Variants in NALCN observed in about 807,000 individuals in gnomAD.
The protein encoded by NALCN is sodium leak channel NALCN.
In NALCN, 111 loss-of-function variants were observed where a neutral mutation model predicts 225.3. The observed-to-expected ratio is 0.49, with a 90% CI of 0.42 to 0.58. The LOEUF (loss-of-function observed/expected upper bound fraction) is 0.58, where lower values mean the gene tolerates loss of function less well. Among genes scored for constraint, NALCN ranks in the 20% least tolerant of loss-of-function variants. The pLI is 0.00. For missense variants in NALCN, 1,378 were observed against 2,202.4 expected (o/e 0.63, Z 7.49); for synonymous variants, 764 against 769.0 (o/e 0.99, Z 0.11).
At chr13:101,332,891 C>T (rs2045236831) in intron 7 of NALCN, among the ~76,000 whole-genome samples, 1 of 152,310 alleles carries the variant, frequency 6.6e-6, no homozygotes, top group South Asian at 2.1e-4. Flanking sequence ...CACACTCAGA[C>T]AGGGATGCCT....
intron 14 of NALCN, among the ~76,000 whole-genome samples, chr13:101,186,540 G>T (rs1055367946): frequency 2.0e-4 from 31 of 152,156 alleles, no homozygotes; most frequent in Admixed American, 1.9e-3. Flanking sequence ...GTGAACTGGG[G>T]AAGTGACTTC....
chr13:101,203,249 CTT>C (rs2040193682), intron 13 of NALCN, among the ~76,000 whole-genome samples: 1 of 152,178 alleles, frequency 6.6e-6, no homozygotes, highest in Non-Finnish European at 1.5e-5. Context: ...GAGTTTCGCT[CTT>C]GTCGCCCAGG....
At chr13:101,211,764 A>G (rs2040534431) in intron 13 of NALCN, among the ~76,000 whole-genome samples, 1 of 151,882 alleles carries the variant, frequency 6.6e-6, no homozygotes, top group East Asian at 1.9e-4. Flanking sequence ...GCTTCAGATG[A>G]GACTCAATTT....
intron 1 of NALCN, among the ~76,000 whole-genome samples, chr13:101,403,378 T>C (rs2047530964): frequency 1.3e-5 from 2 of 152,216 alleles, no homozygotes; most frequent in South Asian, 4.1e-4. Flanking sequence ...AAACATACCA[T>C]TATTCACCAT....
chr13:101,311,840 G>T (rs1372406250), intron 7 of NALCN, among the ~76,000 whole-genome samples: 1 of 151,006 alleles, frequency 6.6e-6, no homozygotes, highest in Non-Finnish European at 1.5e-5. Context: ...TTGTGTCTCT[G>T]CCCGGCTTTG....
At chr13:101,360,597 C>T (rs199911177) in intron 6 of NALCN, among the ~76,000 whole-genome samples, 5 of 152,046 alleles carry the variant, frequency 3.3e-5, no homozygotes, top group Non-Finnish European at 5.9e-5. Flanking sequence ...GATGTGAACA[C>T]GAAAAGTAAA....
At chr13:101,076,061 T>C in intron 34 of NALCN, 120 bp from the exon 35 acceptor site, 2 of 663,752 alleles carry the variant, frequency 3.0e-6, no homozygotes, top group Non-Finnish European at 4.7e-6. Flanking sequence ...TAAATTATTA[T>C]AAGAAAGTGA....
Position 101,104,183 on chromosome 13 carries a change from G to A in NALCN, c.2889+112C>T, listed in dbSNP as rs183688352. ...TACTCTAGAGTCCATTTAAGAATTC[G>A]GTTAGGGAATCTAAGCCTCTGTAAC... On this transcript the variant is annotated intron_variant, in intron 25 of 43. Transcript: ENST00000251127. The surrounding 1 kb of genome is among the most constrained non-coding windows in gnomAD (Gnocchi z 4.2). 108 of 1,293,394 alleles carry A rather than the reference G, an allele frequency of 8.4e-5. No homozygotes were observed. Among genetic ancestry groups the A allele is most frequent in the Admixed American group, 1.1e-4 (4 of 38,078 alleles). 80.1% of individuals were successfully genotyped at this position (1,293,394 alleles called of 1,614,324 possible).
At chr13:101,114,188 G>A (rs1156402789) in intron 18 of NALCN, among the ~76,000 whole-genome samples, 1 of 152,120 alleles carries the variant, frequency 6.6e-6, no homozygotes, top group East Asian at 1.9e-4. Context: ...ATAAGCTGTG[G>A]GACCTTAGAC....
chr13:101,244,569 C>A (rs1364741824), intron 11 of NALCN, among the ~76,000 whole-genome samples: 3 of 152,134 alleles, frequency 2.0e-5, no homozygotes, highest in Admixed American at 6.5e-5. Flanking sequence ...TTAACTTTTA[C>A]AAGCCAACAC....
At chr13:101,218,132 G>GA (rs1293083553) in intron 13 of NALCN, among the ~76,000 whole-genome samples, 3 of 140,352 alleles carry the variant, frequency 2.1e-5, no homozygotes, top group South Asian at 2.3e-4. Context: ...AGGGATGATA[G>GA]AAAAGGTTTC....
At chr13:101,179,502 T>A (rs2039104264) in intron 14 of NALCN, among the ~76,000 whole-genome samples, 1 of 152,214 alleles carries the variant, frequency 6.6e-6, no homozygotes, top group Non-Finnish European at 1.5e-5. Context: ...TCTTGCTACA[T>A]CAGTTCCATT....
At chr13:101,365,088 G>C (rs1202066179) in intron 6 of NALCN, among the ~76,000 whole-genome samples, 1 of 152,086 alleles carries the variant, frequency 6.6e-6, no homozygotes, top group Non-Finnish European at 1.5e-5. Flanking sequence ...GTGCAGGTTT[G>C]TTATATAGGT....
intron 18 of NALCN, among the ~76,000 whole-genome samples, chr13:101,121,966 T>A (rs55641011): frequency 0.012 from 1,807 of 147,002 alleles, 15 homozygotes; most frequent in South Asian, 0.027. Context: ...TTTTTTTTTT[T>A]TTAAAAAAAA....
intron 12 of NALCN, among the ~76,000 whole-genome samples, chr13:101,230,526 G>A (rs1038331284): frequency 4.6e-5 from 7 of 152,184 alleles, no homozygotes; most frequent in African/African-American, 1.4e-4. Context: ...AATGTGAGAG[G>A]AAATGATTTG....
intron 1 of NALCN, among the ~76,000 whole-genome samples, chr13:101,400,383 C>A (rs2047433044): frequency 1.3e-5 from 2 of 151,222 alleles, no homozygotes; most frequent in Admixed American, 6.6e-5. Flanking sequence ...GCGCTTCAGG[C>A]AAAAAAAAGA....
At chr13:101,128,444 T>C (rs1486789574) in intron 17 of NALCN, among the ~76,000 whole-genome samples, 1 of 152,250 alleles carries the variant, frequency 6.6e-6, no homozygotes, top group Admixed American at 6.5e-5. Context: ...TTCCAATGTA[T>C]GAATCTTGCT....
chr13:101,226,829 C>T (rs2041161881), intron 13 of NALCN, among the ~76,000 whole-genome samples: 1 of 152,202 alleles, frequency 6.6e-6, no homozygotes, highest in Non-Finnish European at 1.5e-5. Flanking sequence ...GACCAGGTGC[C>T]TCTGTGCAGA....
At chr13:101,097,409 G>C (rs1323073627) in intron 27 of NALCN, among the ~76,000 whole-genome samples, 4 of 152,104 alleles carry the variant, frequency 2.6e-5, no homozygotes, top group Non-Finnish European at 4.4e-5. Context: ...CTGTGTTGTA[G>C]TGTATTGTAT....
Sources: allele counts gnomAD v4.1 joint callset (sites outside exome capture counted in the v4.1 genomes callset), GRCh38; gene constraint gnomAD v4.1.1; non-coding constraint Gnocchi (gnomAD v3.1); transcripts MANE v1.5; gene names NCBI Gene and HGNC (gene_info 2026-07-23, HGNC 2026-07-21).